The following TNR variants were observed in gnomAD, a reference collection of about 807,000 sequenced individuals.
The protein encoded by TNR is tenascin R, also known as tenascin-R.
Under a neutral mutation model 150.4 loss-of-function variants are expected in TNR, and 45 were observed. The ratio of observed to expected loss-of-function variants is 0.30; its 90% CI spans 0.24 to 0.38. The LOEUF (loss-of-function observed/expected upper bound fraction) is 0.38, where lower values mean the gene tolerates loss of function less well. Ranked by LOEUF, TNR falls within the 10% of genes least tolerant of loss-of-function variation. The pLI, the probability that TNR is intolerant of heterozygous loss-of-function variation, is 1.00. For synonymous variants in TNR, 687 were observed against 678.4 expected (o/e 1.01, Z -0.20); for missense variants, 1,544 against 1,759.1 (o/e 0.88, Z 2.19).
intron 2 of TNR, among the ~76,000 whole-genome samples, chr1:175,414,260 A>G (rs1654338302): frequency 6.6e-6 from 1 of 151,868 alleles, no homozygotes; most frequent in African/African-American, 2.4e-5. Flanking sequence ...GACAGGGGAA[A>G]AAGAGGGAAA....
intron 1 of TNR, among the ~76,000 whole-genome samples, chr1:175,566,984 T>C (rs75324574): frequency 0.15 from 23,108 of 152,156 alleles, 2,184 homozygotes; most frequent in African/African-American, 0.26. Context: ...CCCCCATGGC[T>C]TTATATTCTT....
At chr1:175,555,176 G>A (rs1036657584) in intron 1 of TNR, among the ~76,000 whole-genome samples, 1 of 152,150 alleles carries the variant, frequency 6.6e-6, no homozygotes, top group African/African-American at 2.4e-5. Context: ...TGGCCCAGAG[G>A]AGATATTCCA....
At chr1:175,491,179 T>A (rs1658230507) in intron 2 of TNR, among the ~76,000 whole-genome samples, 1 of 37,584 alleles carries the variant, frequency 2.7e-5, no homozygotes, top group Admixed American at 4.0e-4. Context: ...TGAGAACACA[T>A]GGGCACATGT....
At chr1:175,478,727 CA>C (rs1657655019) in intron 2 of TNR, among the ~76,000 whole-genome samples, 1 of 152,152 alleles carries the variant, frequency 6.6e-6, no homozygotes, top group African/African-American at 2.4e-5. Context: ...AAAAGGAGAT[CA>C]GGGGACCTTG....
At chr1:175,482,872 G>A (rs1657864959) in intron 2 of TNR, among the ~76,000 whole-genome samples, 1 of 152,194 alleles carries the variant, frequency 6.6e-6, no homozygotes, top group African/African-American at 2.4e-5. Flanking sequence ...CTGTGCACTA[G>A]CACAATCAGG....
At chr1:175,385,148 C>A (rs546605564) in intron 8 of TNR, among the ~76,000 whole-genome samples, 2 of 152,288 alleles carry the variant, frequency 1.3e-5, no homozygotes, top group East Asian at 3.9e-4. Flanking sequence ...CATGTGACCA[C>A]CCCAAGGCAA....
At chr1:175,394,365 C>T (rs550512922) in intron 5 of TNR, among the ~76,000 whole-genome samples, 1 of 152,218 alleles carries the variant, frequency 6.6e-6, no homozygotes, top group Admixed American at 6.5e-5. Context: ...AGAAAGCTGG[C>T]TAAAGTTGTG....
At chr1:175,611,567 C>T (rs1663599429) in intron 1 of TNR, among the ~76,000 whole-genome samples, 1 of 152,190 alleles carries the variant, frequency 6.6e-6, no homozygotes, top group Non-Finnish European at 1.5e-5. Flanking sequence ...CTCCTGGCCT[C>T]AAGCAATCCA....
rs749295527 is a variant in TNR, at chr1:175,386,269, C to A, written c.1540G>T (p.Asp514Tyr). 1 of 1,582,190 alleles carries A rather than the reference C, an allele frequency of 6.3e-7. No individual in the cohort carries two copies. The highest frequency in any genetic ancestry group is 8.6e-7 in the Non-Finnish European group (1 of 1,158,078). The change falls in exon 8 of 23, where the codon GAT becomes TAT. Residue 514 changes from aspartate (D) to tyrosine (Y), a missense_variant. Transcript: ENST00000367674. ...IDGPTQILVR[D>Y]VSDTVAFVEW... ...ACAAAAGCCACAGTGTCCGAGACAT[C>A]GCGAACCAGGATCTGCGTGGGGCCG...
chr1:175,708,430 T>C (rs1267871697), intron 1 of TNR, among the ~76,000 whole-genome samples: 1 of 152,138 alleles, frequency 6.6e-6, no homozygotes, highest in Non-Finnish European at 1.5e-5. Context: ...AGGGTCTGGG[T>C]TAATGAAAGC....
At chr1:175,482,267 A>ATAT (rs1657843581) in intron 2 of TNR, among the ~76,000 whole-genome samples, 1 of 152,248 alleles carries the variant, frequency 6.6e-6, no homozygotes, top group African/African-American at 2.4e-5. Flanking sequence ...TTTAACTGTC[A>ATAT]TATTATTTAT....
intron 2 of TNR, among the ~76,000 whole-genome samples, chr1:175,416,009 G>T (rs1654423240): frequency 6.6e-6 from 1 of 152,008 alleles, no homozygotes; most frequent in Non-Finnish European, 1.5e-5. Flanking sequence ...ATTTTATGAT[G>T]CATGGACTAG....
chr1:175,557,312 G>C (rs1271181778), intron 1 of TNR, among the ~76,000 whole-genome samples: 1 of 152,208 alleles, frequency 6.6e-6, no homozygotes, highest in Non-Finnish European at 1.5e-5. Flanking sequence ...ATGATAATGT[G>C]TGTTGTTTTA....
intron 2 of TNR, among the ~76,000 whole-genome samples, chr1:175,515,562 C>T (rs1352522369): frequency 6.6e-6 from 1 of 152,116 alleles, no homozygotes; most frequent in Admixed American, 6.5e-5. Context: ...TTGGGTGTGG[C>T]CAGAATACAG....
At chr1:175,382,752 T>G (rs559919937) in intron 8 of TNR, among the ~76,000 whole-genome samples, 46 of 152,068 alleles carry the variant, frequency 3.0e-4, no homozygotes, top group African/African-American at 1.1e-3. Context: ...ATCCAAAAAG[T>G]AGCTGGGCAT....
rs1571276153 is a variant in TNR at position 175,316,565 on chromosome 1, C to T, written c.*6792G>A. 6.6e-6 allele frequency: 1 copy of T among 152,168 alleles called. No individual in the cohort carries two copies. Among genetic ancestry groups the T allele is most frequent in the African/African-American group, 2.4e-5 (1 of 41,438 alleles). 9.4% of individuals were successfully genotyped at this position (152,168 alleles called of 1,614,324 possible). A position where few individuals can be genotyped will look rare whatever the true frequency, so the allele number is the denominator to read the frequency against. ...TGGAGTAAAATTGATGCTCTGAGAA[C>T]ATGTGCCATGTTTATTCTGTGGCTT... On this transcript the variant is annotated 3_prime_UTR_variant, in exon 23 of 23. Coordinates refer to ENST00000367674, the MANE Select transcript of TNR (RefSeq NM_003285.3).
At chr1:175,332,002 T>A (rs543386369) in intron 20 of TNR, among the ~76,000 whole-genome samples, 1 of 152,358 alleles carries the variant, frequency 6.6e-6, no homozygotes, top group African/African-American at 2.4e-5. Flanking sequence ...CAACTCACCC[T>A]AGACTTGTGC....
chr1:175,355,492 C>T lies in TNR; in HGVS notation c.3249+11G>A, dbSNP rs1651281438. 1 of 1,613,218 alleles carries T rather than the reference C, an allele frequency of 6.2e-7. No homozygotes were observed. The highest frequency in any genetic ancestry group is 8.5e-7 in the Non-Finnish European group (1 of 1,179,570). On this transcript the variant is annotated intron_variant, in intron 17 of 22. Transcript: ENST00000367674. ...AAGAAATGGTCTTTTCCCTTTCCAG[C>T]AAAATCTCACCTTGCGGCTTCCATC...
chr1:175,379,262 T>C (rs1652555964), intron 9 of TNR, among the ~76,000 whole-genome samples: 1 of 148,540 alleles, frequency 6.7e-6, no homozygotes, highest in Admixed American at 6.7e-5. Context: ...ATTGCAATGG[T>C]TAAGATAATA....
Sources: allele counts gnomAD v4.1 joint callset (sites outside exome capture counted in the v4.1 genomes callset), GRCh38; gene constraint gnomAD v4.1.1; transcripts MANE v1.5; gene names NCBI Gene and HGNC (gene_info 2026-07-23, HGNC 2026-07-21).